Variants in PIK3CD observed in about 807,000 individuals in gnomAD.
PIK3CD encodes phosphatidylinositol 4,5-bisphosphate 3-kinase catalytic subunit delta isoform.
PIK3CD carries 20 observed loss-of-function variants against 122.9 expected under a neutral mutation model. That is an observed-to-expected ratio of 0.16 (90% CI 0.11 to 0.24). PIK3CD has a LOEUF of 0.24. Ranked by LOEUF, PIK3CD falls within the 10% of genes least tolerant of loss-of-function variation. The pLI, the probability that PIK3CD is intolerant of heterozygous loss-of-function variation, is 1.00. For missense variants in PIK3CD, 787 were observed against 1,406.3 expected (o/e 0.56, Z 7.04); for synonymous variants, 596 against 593.4 (o/e 1.00, Z -0.06).
upstream of PIK3CD, among the ~76,000 whole-genome samples, chr1:9,650,565 A>G (rs756966980): frequency 6.6e-6 from 1 of 152,124 alleles, no homozygotes; most frequent in Non-Finnish European, 1.5e-5. Flanking sequence ...CAGAGATTGC[A>G]GTGAGCCGAG....
At chr1:9,666,006 A>G (rs560256705) in intron 1 of PIK3CD, among the ~76,000 whole-genome samples, 3 of 152,200 alleles carry the variant, frequency 2.0e-5, no homozygotes, top group South Asian at 2.1e-4. Context: ...GGCTCACTGC[A>G]ACCTCCTTCT....
At chr1:9,694,682 G>T (rs1646334536) in intron 2 of PIK3CD, among the ~76,000 whole-genome samples, 2 of 152,046 alleles carry the variant, frequency 1.3e-5, no homozygotes. Context: ...AGATTTACAG[G>T]CTAAATGTGG....
intron 23 of PIK3CD, among the ~76,000 whole-genome samples, chr1:9,725,780 G>A (rs1649459893): frequency 6.6e-6 from 1 of 151,894 alleles, no homozygotes; most frequent in Admixed American, 6.6e-5. Context: ...AGGAGACTCA[G>A]GCAGAAGAAT....
intron 1 of PIK3CD, among the ~76,000 whole-genome samples, chr1:9,658,219 G>A (rs1644913049): frequency 6.6e-6 from 1 of 151,658 alleles, no homozygotes; most frequent in Non-Finnish European, 1.5e-5. Flanking sequence ...CCCCATCTCT[G>A]CAAAAAATAA....
chr1:9,632,125 G>T, the PIK3CD span, among the ~76,000 whole-genome samples: 1,366 of 152,114 alleles, frequency 9.0e-3, 21 homozygotes, highest in African/African-American at 0.031. Flanking sequence ...CAATTCTCCT[G>T]CCTCGGCCTC....
chr1:9,721,877 T>TG lies in PIK3CD; in HGVS notation c.2055+23dup. ...ATGAAGCAGGTGAGGCCCAAGGCCC[T>TG]GGGGGGCGGGCAGGGGGCGGCCCTG... On this transcript the variant is annotated intron_variant, in intron 16 of 23. Coordinates refer to ENST00000377346, the MANE Select transcript of PIK3CD (RefSeq NM_005026.5). 4 of 1,612,588 alleles carry TG rather than the reference T, an allele frequency of 2.5e-6. No individual in the cohort carries two copies. The highest frequency in any genetic ancestry group is 3.4e-6 in the Non-Finnish European group (4 of 1,179,610).
At chr1:9,638,731 CAAAAAA>C in the PIK3CD span, among the ~76,000 whole-genome samples, 3 of 69,226 alleles carry the variant, frequency 4.3e-5, no homozygotes, top group African/African-American at 5.4e-5. Context: ...GACTCCTTCT[CAAAAAA>C]AAAAAAAAAA....
the PIK3CD span, among the ~76,000 whole-genome samples, chr1:9,627,304 G>A: frequency 6.6e-6 from 1 of 152,268 alleles, no homozygotes; most frequent in Non-Finnish European, 1.5e-5. Context: ...CCCGGGCTCC[G>A]TGGCGGCCTC....
At chr1:9,670,756 A>G (rs1362276080) in intron 1 of PIK3CD, among the ~76,000 whole-genome samples, 1 of 151,960 alleles carries the variant, frequency 6.6e-6, no homozygotes, top group Non-Finnish European at 1.5e-5. Context: ...TTAAAAAACA[A>G]TTTGTTTTTG....
At chr1:9,674,580 C>T (rs1645440771) in intron 1 of PIK3CD, among the ~76,000 whole-genome samples, 1 of 151,230 alleles carries the variant, frequency 6.6e-6, no homozygotes, top group African/African-American at 2.4e-5. Flanking sequence ...ATCCCAGCTA[C>T]TCGGGAGGCT....
rs750694051 is a variant in PIK3CD at position 9,715,735 on chromosome 1, C to T, written c.336C>T (p.Leu112=). The change falls in exon 4 of 24, where the codon CTC becomes CTT. Residue 112 remains leucine (L), a synonymous_variant. Coordinates refer to ENST00000377346, the MANE Select transcript of PIK3CD (RefSeq NM_005026.5). This position sits in a 1 kb window ranked among gnomAD's most constrained non-coding sequence, Gnocchi z 4.1. ...GTGAGGGCGACCGCGTGAAGAAGCT[C>T]ATCAACTCACAGATCAGCCTCCTCA... ...VAREGDRVKK[L]INSQISLLIG... is the part of the protein sequence containing the mutation. 6.2e-7 allele frequency: 1 copy of T among 1,613,430 alleles called. No individual in the cohort carries two copies. Among genetic ancestry groups the T allele is most frequent in the Non-Finnish European group, 8.5e-7 (1 of 1,180,006 alleles).
At chr1:9,668,441 CT>C (rs200153890) in intron 1 of PIK3CD, among the ~76,000 whole-genome samples, 3,118 of 133,760 alleles carry the variant, frequency 0.023, 61 homozygotes, top group Admixed American at 0.06. Flanking sequence ...TGTTCTTATT[CT>C]TTTTTTTTTT....
rs200577414 is a variant in PIK3CD, at chr1:9,724,736, G to A, written c.2865-68G>A. The A allele has an allele frequency of 3.7e-5, 59 of 1,599,632 alleles. No individual in the cohort carries two copies. In the South Asian group the frequency reaches 6.2e-4, roughly 17 times the overall value. On this transcript the variant is annotated intron_variant, in intron 22 of 23. Coordinates refer to ENST00000377346, the MANE Select transcript of PIK3CD (RefSeq NM_005026.5). The surrounding 1 kb of genome is among the most constrained non-coding windows in gnomAD (Gnocchi z 7.3). ...TCCTTGGGGAAGGGGCTGGTTGGAT[G>A]CAGAGCGGCCCTCTGGCCTGTGGCT...
chr1:9,725,903 A>G (rs1283813227), intron 23 of PIK3CD, among the ~76,000 whole-genome samples: 1 of 151,666 alleles, frequency 6.6e-6, no homozygotes, highest in Non-Finnish European at 1.5e-5. Flanking sequence ...AATAAAAATA[A>G]ACATAAATAA....
chr1:9,716,925 C>T, intron 6 of PIK3CD, 34 bp from the exon 7 acceptor site: 4 of 1,613,222 alleles, frequency 2.5e-6, no homozygotes, highest in South Asian at 2.2e-5. Context: ...GTTGGGGCCG[C>T]CCCACCAGCC....
Position 9,704,783 on chromosome 1 carries a change from G to A in PIK3CD, c.-32-5641G>A, listed in dbSNP as rs927905975. On this transcript the variant is annotated intron_variant, in intron 2 of 23. Transcript: ENST00000377346. This position sits in a 1 kb window ranked among gnomAD's most constrained non-coding sequence, Gnocchi z 5.0. ...CTGGCCTCAGCCTCCCAAAGTGCTGGGATTACAGGCGTGAGCCACCACGCC... is the reference window on the plus strand; with the variant it reads ...CTGGCCTCAGCCTCCCAAAGTGCTGAGATTACAGGCGTGAGCCACCACGCC... Among the ~76,000 whole-genome samples the A allele has an allele frequency of 3.3e-5, 5 of 152,244 alleles. No homozygotes were observed. In the South Asian group the frequency reaches 1.0e-3, roughly 31 times the overall value.
chr1:9,711,740 A>G lies in PIK3CD; in HGVS notation c.141+1144A>G, dbSNP rs76143306. ...CAGGCACGTGCCATCAAGCCCAACT[A>G]ATTTTTCGTGTCTGTATTTTTTGTG... On this transcript the variant is annotated intron_variant, in intron 3 of 23. Transcript: ENST00000377346. Among the ~76,000 whole-genome samples, 942 of 151,766 alleles carry G rather than the reference A, an allele frequency of 6.2e-3. 12 individuals are homozygous for G. Among genetic ancestry groups the G allele is most frequent in the African/African-American group, 0.022 (894 of 41,306 alleles).
At chr1:9,675,178 G>A (rs1487709445) in intron 1 of PIK3CD, among the ~76,000 whole-genome samples, 4 of 151,628 alleles carry the variant, frequency 2.6e-5, no homozygotes, top group Admixed American at 6.6e-5. Flanking sequence ...GAGGTCAGGA[G>A]ATCGAGACCA....
In PIK3CD at chr1:9,724,512, C is replaced by T; in HGVS notation, c.2864+91C>T. On this transcript the variant is annotated intron_variant, in intron 22 of 23. Coordinates refer to ENST00000377346, the MANE Select transcript of PIK3CD (RefSeq NM_005026.5). The surrounding 1 kb of genome is among the most constrained non-coding windows in gnomAD (Gnocchi z 7.3). ...CCCAGGCAGGGTGCAGGATGGGGCTCAGGTCTCAACCCCACACCTGGCCCC... is the reference window on the plus strand; with the variant it reads ...CCCAGGCAGGGTGCAGGATGGGGCTTAGGTCTCAACCCCACACCTGGCCCC... 2 of 1,423,982 alleles carry T rather than the reference C, an allele frequency of 1.4e-6. No individual in the cohort carries two copies. Among genetic ancestry groups the T allele is most frequent in the Non-Finnish European group, 9.8e-7 (1 of 1,017,012 alleles). 88.2% of individuals were successfully genotyped at this position (1,423,982 alleles called of 1,614,324 possible).
Sources: allele counts gnomAD v4.1 joint callset (sites outside exome capture counted in the v4.1 genomes callset), GRCh38; gene constraint gnomAD v4.1.1; non-coding constraint Gnocchi (gnomAD v3.1); transcripts MANE v1.5; gene names NCBI Gene and HGNC (gene_info 2026-07-23, HGNC 2026-07-21).